The following SRR variants were observed in gnomAD, a reference collection of about 807,000 sequenced individuals.
The protein encoded by SRR is D-serine ammonia-lyase.
Under a neutral mutation model 32.7 loss-of-function variants are expected in SRR, and 19 were observed. The ratio of observed to expected loss-of-function variants is 0.58; its 90% CI spans 0.40 to 0.85. The LOEUF (loss-of-function observed/expected upper bound fraction) is 0.85, where lower values mean the gene tolerates loss of function less well. Ranked by LOEUF, SRR falls within the 40% of genes least tolerant of loss-of-function variation. The pLI is 0.00. For synonymous variants in SRR, 142 were observed against 140.9 expected (o/e 1.01, Z -0.06); for missense variants, 373 against 404.7 (o/e 0.92, Z 0.67).
Position 2,323,968 on chromosome 17 carries a change from A to G in SRR, c.*95A>G, listed in dbSNP as rs2075556956. Reference sequence around the variant, plus strand: ...TCAACTCTTAGTTATCAGATTCTTAATGGAGAGTGGCTATTTCATTAAGAT... The same window carrying G: ...TCAACTCTTAGTTATCAGATTCTTAGTGGAGAGTGGCTATTTCATTAAGAT... On this transcript the variant is annotated 3_prime_UTR_variant, in exon 8 of 8. Transcript: ENST00000344595. 5 of 1,230,934 alleles carry G rather than the reference A, an allele frequency of 4.1e-6. No individual in the cohort carries two copies. 76.3% of individuals were successfully genotyped at this position (1,230,934 alleles called of 1,614,324 possible).
intron 1 of SRR, among the ~76,000 whole-genome samples, chr17:2,308,047 T>TA (rs1316391035): frequency 3.3e-5 from 5 of 149,326 alleles, no homozygotes; most frequent in African/African-American, 1.2e-4. Flanking sequence ...AAATGTCTTT[T>TA]TAAAAAAAAA....
In SRR at chr17:2,323,348, G is replaced by C. The variant is rs1243270658; in HGVS notation, c.804+3G>C. 6 of 1,613,780 alleles carry C rather than the reference G, an allele frequency of 3.7e-6. No individual in the cohort carries two copies. Among genetic ancestry groups the C allele is most frequent in the Non-Finnish European group, 5.1e-6 (6 of 1,179,850 alleles). ...CTGTCACAGAGGATGAAATTAAGGT[G>C]AGGCTCCAGCAAGAAAAGAAATAGC... On this transcript the variant is annotated splice_donor_region_variant and intron_variant, in intron 7 of 7. Transcript: ENST00000344595.
At chr17:2,318,712 C>T in intron 3 of SRR, 114 bp from the exon 4 acceptor site, 7 of 628,360 alleles carry the variant, frequency 1.1e-5, no homozygotes, top group Admixed American at 4.3e-5. Context: ...CCTTGTGATC[C>T]GCCTGCCTCA....
rs564426948 is a variant in SRR, at chr17:2,320,241, C to A, written c.400-1065C>A. ...TCAAACATTCCTATCTTTCTGACCT[C>A]ATCTCTCATCTTTTTTTTTTTTTTT... On this transcript the variant is annotated intron_variant, in intron 4 of 7. Coordinates refer to ENST00000344595, the MANE Select transcript of SRR (RefSeq NM_021947.3). 1.2e-3 allele frequency among the ~76,000 whole-genome samples: 175 copies of A among 144,212 alleles called. 1 individual carries two copies. The highest frequency in any genetic ancestry group is 5.7e-3 in the Admixed American group (80 of 14,034). The allele number at this position is 144,212 out of a possible 152,430, so 94.6% of individuals were successfully genotyped here.
In SRR at chr17:2,313,156, G is replaced by A. The variant is rs541339364; in HGVS notation, c.-4-2401G>A. Among the ~76,000 whole-genome samples the A allele has an allele frequency of 1.3e-3, 200 of 152,316 alleles. 2 individuals are homozygous for A. The highest frequency in any genetic ancestry group is 4.2e-3 in the African/African-American group (176 of 41,576). Reference sequence around the variant, plus strand: ...TTTTAAAAGTTGGATAAAGCCGGGCGCAGTGGCTCACGCCTGTAATCCCAG... The same window carrying A: ...TTTTAAAAGTTGGATAAAGCCGGGCACAGTGGCTCACGCCTGTAATCCCAG... On this transcript the variant is annotated intron_variant, in intron 1 of 7. Coordinates refer to ENST00000344595, the MANE Select transcript of SRR (RefSeq NM_021947.3).
chr17:2,317,773 G>A, intron 2 of SRR, 97 bp from the exon 3 acceptor site: 1 of 1,262,324 alleles, frequency 7.9e-7, no homozygotes, highest in Non-Finnish European at 1.1e-6. Flanking sequence ...GTGACAGATT[G>A]GATGTGCATG....
chr17:2,303,444 G>C, upstream of SRR: 1 of 1,303,888 alleles, frequency 7.7e-7, no homozygotes, highest in South Asian at 2.2e-5. Context: ...GCCAGGACTG[G>C]CCGAGCCCGA....
intron 3 of SRR, among the ~76,000 whole-genome samples, chr17:2,318,469 T>C (rs1272162307): frequency 1.3e-5 from 2 of 148,888 alleles, no homozygotes. Flanking sequence ...TCTTTCTTTT[T>C]TTTTTTTTTT....
intron 6 of SRR, chr17:2,322,914 G>A (rs967035224): frequency 3.2e-5 from 16 of 498,760 alleles, no homozygotes; most frequent in Non-Finnish European, 1.8e-5. Context: ...ACAGGGGTCT[G>A]CCACCACGCC....
chr17:2,303,909 G>C, upstream of SRR: 2 of 362,164 alleles, frequency 5.5e-6, no homozygotes, highest in East Asian at 7.5e-5. Flanking sequence ...AGAGGGGCGG[G>C]ACCGGAGCGA....
In SRR at chr17:2,324,254, G is replaced by C. The variant is rs757103701; in HGVS notation, c.*381G>C. On this transcript the variant is annotated 3_prime_UTR_variant, in exon 8 of 8. Transcript: ENST00000344595. ...AATCTCACTTTTCAGCCAGGGTACT[G>C]GTTCTGGTACATATGGATCATAAGT... is the stretch of plus-strand genomic sequence containing the variant. The C allele has an allele frequency of 2.5e-5, 38 of 1,541,982 alleles. No homozygotes were observed. The highest frequency in any genetic ancestry group is 4.3e-5 in the Admixed American group (2 of 45,996).
In SRR at chr17:2,307,761, A is replaced by T. The variant is rs1214442791; in HGVS notation, c.-5+3744A>T. Reference sequence around the variant, plus strand: ...GCATGAGAGGAGAGCCAGCGAAGTGACAGGGAAGCTACAGGTTACAACAGA... The same window carrying T: ...GCATGAGAGGAGAGCCAGCGAAGTGTCAGGGAAGCTACAGGTTACAACAGA... On this transcript the variant is annotated intron_variant, in intron 1 of 7. Transcript: ENST00000344595. The T allele has an allele frequency of 9.2e-6, 8 of 871,270 alleles. No individual in the cohort carries two copies. The Admixed American group carries it at 1.2e-4, about 13-fold the overall frequency. 54.0% of individuals were successfully genotyped at this position (871,270 alleles called of 1,614,324 possible). A position where few individuals can be genotyped will look rare whatever the true frequency, so the allele number is the denominator to read the frequency against.
At chr17:2,305,378 T>C (rs1252822828) in intron 1 of SRR, among the ~76,000 whole-genome samples, 1 of 152,126 alleles carries the variant, frequency 6.6e-6, no homozygotes, top group African/African-American at 2.4e-5. Flanking sequence ...GAACTGCAGA[T>C]TAGATATGCC....
intron 1 of SRR, among the ~76,000 whole-genome samples, chr17:2,309,020 AG>A (rs1184380421): frequency 6.6e-6 from 1 of 152,124 alleles, no homozygotes; most frequent in African/African-American, 2.4e-5. Flanking sequence ...TGGGAGGCTG[AG>A]GCAGGAGAAT....
At chr17:2,321,261 C>A in intron 4 of SRR, 45 bp from the exon 5 acceptor site, 1 of 1,600,740 alleles carries the variant, frequency 6.2e-7, no homozygotes, top group Admixed American at 1.8e-5. Flanking sequence ...TTGTTGGGGA[C>A]TCTATTAAAT....
At chr17:2,319,821 C>CTTTT (rs397701831) in intron 4 of SRR, among the ~76,000 whole-genome samples, 1 of 133,384 alleles carries the variant, frequency 7.5e-6, no homozygotes. Context: ...CTTGTCTCTT[C>CTTTT]TTTTTTTTTT....
chr17:2,307,345 C>A, intron 1 of SRR: 1 of 1,056,400 alleles, frequency 9.5e-7, no homozygotes, highest in South Asian at 1.2e-5. Flanking sequence ...CCAAAGAGGT[C>A]AAAGTACTTC....
chr17:2,315,417 A>T (rs2075465439), intron 1 of SRR, 140 bp from the exon 2 acceptor site: 3 of 819,162 alleles, frequency 3.7e-6, no homozygotes, highest in Admixed American at 3.1e-5. Context: ...TTTTAGGGAA[A>T]TTCTGACACT....
chr17:2,319,922 G>A (rs1365467817), intron 4 of SRR, among the ~76,000 whole-genome samples: 2 of 150,716 alleles, frequency 1.3e-5, no homozygotes, highest in African/African-American at 4.9e-5. Context: ...GGGTTCCAGC[G>A]ATTCTCTTGC....
Sources: gnomAD v4.1 joint callset for allele counts (sites outside exome capture counted in the v4.1 genomes callset) on GRCh38, gnomAD v4.1.1 for gene constraint, MANE v1.5 for transcripts, NCBI Gene and HGNC (gene_info 2026-07-23, HGNC 2026-07-21) for gene names.